Variants in OTUD7A observed in about 807,000 individuals in gnomAD.
OTUD7A encodes OTU domain-containing protein 7A.
OTUD7A carries 12 observed loss-of-function variants against 65.7 expected under a neutral mutation model. The ratio of observed to expected loss-of-function variants is 0.18; its 90% CI spans 0.12 to 0.30. OTUD7A has a LOEUF of 0.30. Ranked by LOEUF, OTUD7A falls within the 10% of genes least tolerant of loss-of-function variation. The pLI is 1.00. For synonymous variants in OTUD7A, 641 were observed against 586.3 expected, an observed-to-expected ratio of 1.09 and a Z score of -1.35; for missense variants, 1,148 against 1,304.8, an observed-to-expected ratio of 0.88 and a Z score of 1.85.
chr15:31,543,377 A>G (rs1264977118), intron 5 of OTUD7A, among the ~76,000 whole-genome samples: 1 of 151,904 alleles, frequency 6.6e-6, no homozygotes, highest in African/African-American at 2.4e-5. Context: ...GTGTAAGGAG[A>G]GAATAAACAC....
At chr15:31,694,501 A>C (rs551425241) in intron 1 of OTUD7A, among the ~76,000 whole-genome samples, 36 of 152,354 alleles carry the variant, frequency 2.4e-4, no homozygotes, top group East Asian at 1.2e-3. Flanking sequence ...GCAAGTTTCA[A>C]GAATTTTTAA....
intron 3 of OTUD7A, among the ~76,000 whole-genome samples, chr15:31,589,738 G>A (rs751643817): frequency 9.9e-5 from 15 of 151,988 alleles, no homozygotes; most frequent in Non-Finnish European, 1.9e-4. Flanking sequence ...TAATGAATAT[G>A]CAGACATCCA....
chr15:31,798,145 T>C (rs1896021749), intron 1 of OTUD7A, among the ~76,000 whole-genome samples: 1 of 152,000 alleles, frequency 6.6e-6, no homozygotes, highest in Non-Finnish European at 1.5e-5. Context: ...AGACCATATC[T>C]CCAAATAAAG....
chr15:31,744,432 G>T (rs889726462), intron 1 of OTUD7A, among the ~76,000 whole-genome samples: 1 of 151,772 alleles, frequency 6.6e-6, no homozygotes, highest in Non-Finnish European at 1.5e-5. Flanking sequence ...ATAAGATAGG[G>T]CAAACATTCA....
intron 1 of OTUD7A, among the ~76,000 whole-genome samples, chr15:31,794,936 T>G (rs1895914021): frequency 6.6e-6 from 1 of 152,256 alleles, no homozygotes; most frequent in Non-Finnish European, 1.5e-5. Context: ...GGTCATTTCC[T>G]TTGTTGTCCA....
At chr15:31,554,241 G>A (rs893216139) in intron 5 of OTUD7A, among the ~76,000 whole-genome samples, 5 of 152,094 alleles carry the variant, frequency 3.3e-5, no homozygotes, top group African/African-American at 7.2e-5. Context: ...CTTGTTCATC[G>A]GCTTTCTTCC....
intron 1 of OTUD7A, among the ~76,000 whole-genome samples, chr15:31,749,779 C>G (rs1894580655): frequency 6.6e-6 from 1 of 151,984 alleles, no homozygotes; most frequent in Admixed American, 6.6e-5. Flanking sequence ...AACTATCTCT[C>G]TTCGTGAATG....
intron 10 of OTUD7A, among the ~76,000 whole-genome samples, chr15:31,500,723 G>T (rs549781342): frequency 6.6e-6 from 1 of 152,340 alleles, no homozygotes; most frequent in African/African-American, 2.4e-5. Context: ...AGTGGAAAAG[G>T]TCAGAAGCAG....
intron 4 of OTUD7A, among the ~76,000 whole-genome samples, chr15:31,568,854 A>C (rs1888958704): frequency 6.6e-6 from 1 of 152,164 alleles, no homozygotes; most frequent in Non-Finnish European, 1.5e-5. Flanking sequence ...TGGCCATGTG[A>C]AGTGCCTGTT....
At position 31,754,664 on chromosome 15, in the gene OTUD7A, G is replaced by A. The variant is rs562223978; in HGVS notation, c.-99-97587C>T. 7.9e-5 allele frequency among the ~76,000 whole-genome samples: 12 copies of A among 151,820 alleles called. No individual in the cohort carries two copies. In the East Asian group the frequency reaches 2.1e-3, roughly 27 times the overall value. ...TTGCTTTGTTGAAGATCAGTTGGCT[G>A]TAAGTATTTCGGTTTATTTCTGGGT... On this transcript the variant is annotated intron_variant, in intron 1 of 12. Coordinates refer to ENST00000307050, the MANE Select transcript of OTUD7A (RefSeq NM_001382637.1).
At chr15:31,713,354 C>A (rs1413997870) in intron 1 of OTUD7A, among the ~76,000 whole-genome samples, 1 of 152,150 alleles carries the variant, frequency 6.6e-6, no homozygotes, top group African/African-American at 2.4e-5. Context: ...CACGGTGGCT[C>A]ACACCTGTGA....
At chr15:31,842,388 G>C (rs1440035768) in intron 1 of OTUD7A, among the ~76,000 whole-genome samples, 1 of 152,222 alleles carries the variant, frequency 6.6e-6, no homozygotes, top group Non-Finnish European at 1.5e-5. Flanking sequence ...TGCAGCCAAG[G>C]ACTAAGGGAA....
intron 1 of OTUD7A, among the ~76,000 whole-genome samples, chr15:31,806,181 T>C (rs1043668552): frequency 2.2e-4 from 34 of 152,182 alleles, no homozygotes; most frequent in African/African-American, 7.2e-4. Context: ...TGTTAAGCAT[T>C]AGGGTAAGAT....
intron 1 of OTUD7A, among the ~76,000 whole-genome samples, chr15:31,838,878 AT>A (rs1897119640): frequency 6.6e-6 from 1 of 152,040 alleles, no homozygotes; most frequent in Admixed American, 6.6e-5. Flanking sequence ...CTCCTTTATA[AT>A]CCACTCAACA....
At chr15:31,547,701 C>A (rs1888176462) in intron 5 of OTUD7A, among the ~76,000 whole-genome samples, 1 of 152,118 alleles carries the variant, frequency 6.6e-6, no homozygotes, top group African/African-American at 2.4e-5. Context: ...TGTATCCCTG[C>A]ATTTTACAGG....
At chr15:31,742,401 A>T (rs1894367124) in intron 1 of OTUD7A, among the ~76,000 whole-genome samples, 1 of 152,116 alleles carries the variant, frequency 6.6e-6, no homozygotes, top group South Asian at 2.1e-4. Flanking sequence ...GGGAAAAAAA[A>T]TTGTGTTACA....
chr15:31,485,760 GA>G (rs1555389109), intron 12 of OTUD7A, among the ~76,000 whole-genome samples: 1 of 152,212 alleles, frequency 6.6e-6, no homozygotes, highest in Non-Finnish European at 1.5e-5. Flanking sequence ...GCTTCCAGGG[GA>G]TGAGCCTGGG....
chr15:31,624,113 G>A (rs550866099), intron 3 of OTUD7A, among the ~76,000 whole-genome samples: 1 of 152,324 alleles, frequency 6.6e-6, no homozygotes, highest in Admixed American at 6.5e-5. Flanking sequence ...TACATTTGAT[G>A]TTAAAAAGCT....
At chr15:31,766,215 C>T in intron 1 of OTUD7A, 3 of 1,530,584 alleles carry the variant, frequency 2.0e-6, no homozygotes, top group African/African-American at 1.4e-5. Context: ...TTCAGCACAG[C>T]ATAACACACA....
Sources: gnomAD v4.1 joint callset for allele counts (sites outside exome capture counted in the v4.1 genomes callset) on GRCh38, gnomAD v4.1.1 for gene constraint, MANE v1.5 for transcripts, NCBI Gene and HGNC (gene_info 2026-07-23, HGNC 2026-07-21) for gene names.